GNG7: variants seen among roughly 807,000 people sequenced by gnomAD.
The protein encoded by GNG7 is G protein subunit gamma 7, also known as guanine nucleotide-binding protein G(I)/G(S)/G(O) subunit gamma-7.
GNG7 carries 1 observed loss-of-function variant against 4.0 expected under a neutral mutation model. The observed-to-expected ratio is 0.25, with a 90% CI of 0.09 to 1.18. The LOEUF is 1.18. GNG7 is among the 50% of genes most tolerant of loss of function. The probability of loss-of-function intolerance (pLI) is 0.50; values close to 1 mark genes in which losing one functional copy is unlikely to be tolerated. For synonymous variants in GNG7, 34 were observed against 36.9 expected, an observed-to-expected ratio of 0.92 and a Z score of 0.29; for missense variants, 86 against 91.9, an observed-to-expected ratio of 0.94 and a Z score of 0.26.
intron 1 of GNG7, among the ~76,000 whole-genome samples, chr19:2,686,252 C>T (rs183016636): frequency 1.7e-3 from 254 of 151,976 alleles, no homozygotes; most frequent in African/African-American, 5.7e-3. Flanking sequence ...CCGCCACCCG[C>T]GTTCAAGCGA....
intron 2 of GNG7, among the ~76,000 whole-genome samples, chr19:2,619,926 C>A (rs1163495674): frequency 6.6e-6 from 1 of 150,532 alleles, no homozygotes; most frequent in Non-Finnish European, 1.5e-5. Context: ...TCAGTTATAT[C>A]TCAATAAAGC....
At position 2,554,176 on chromosome 19, in the gene GNG7, T is replaced by C. The variant is rs183506658; in HGVS notation, c.-38+973A>G. Among the ~76,000 whole-genome samples, 345 of 146,440 alleles carry C rather than the reference T, an allele frequency of 2.4e-3. 1 individual carries two copies. The highest frequency in any genetic ancestry group is 8.2e-3 in the African/African-American group (326 of 39,836). On this transcript the variant is annotated intron_variant, in intron 3 of 4. Coordinates refer to ENST00000382159, the MANE Select transcript of GNG7 (RefSeq NM_052847.3). Reference sequence around the variant, plus strand: ...AATATATTATATATAATATATAATATATATATTTTTTTCTTTTCTTTAGAG... The same window carrying C: ...AATATATTATATATAATATATAATACATATATTTTTTTCTTTTCTTTAGAG...
chr19:2,696,997 C>T (rs926757450), intron 1 of GNG7, among the ~76,000 whole-genome samples: 2 of 143,414 alleles, frequency 1.4e-5, no homozygotes, highest in African/African-American at 3.0e-5. Flanking sequence ...GGATTACAGG[C>T]GCCCGGCTAA....
intron 2 of GNG7, chr19:2,630,740 C>T (rs1982139122): frequency 6.6e-6 from 1 of 151,428 alleles, no homozygotes; most frequent in South Asian, 2.1e-4. Context: ...CATAGTGTGG[C>T]TGGGTCCTCT....
rs1982246792 is a variant in GNG7 at position 2,634,238 on chromosome 19, C to T, written c.-78+11986G>A. Reference sequence around the variant, plus strand: ...AGTTTCTCCCCCTCAGCACTGTGGACATTTGAGGCCCGATTGTTCTCTGGG... The same window carrying T: ...AGTTTCTCCCCCTCAGCACTGTGGATATTTGAGGCCCGATTGTTCTCTGGG... On this transcript the variant is annotated intron_variant, in intron 2 of 4. Coordinates refer to ENST00000382159, the MANE Select transcript of GNG7 (RefSeq NM_052847.3). This position sits in a 1 kb window ranked among gnomAD's most constrained non-coding sequence, Gnocchi z 5.3. Among the ~76,000 whole-genome samples, 1 of 152,200 alleles carries T rather than the reference C, an allele frequency of 6.6e-6. No individual in the cohort carries two copies. The highest frequency in any genetic ancestry group is 2.1e-4 in the South Asian group (1 of 4,832).
intron 2 of GNG7, among the ~76,000 whole-genome samples, chr19:2,564,397 G>A (rs11880221): frequency 0.76 from 115,129 of 151,832 alleles, 44,060 homozygotes; most frequent in Admixed American, 0.81. Flanking sequence ...CCTGGCCAAC[G>A]TGGTGAAACC....
chr19:2,518,344 C>T (rs1416156090), intron 4 of GNG7, among the ~76,000 whole-genome samples: 4 of 152,208 alleles, frequency 2.6e-5, no homozygotes, highest in Non-Finnish European at 5.9e-5. Flanking sequence ...GGGGCTGGCA[C>T]CCACTCGTAA....
At chr19:2,573,242 C>T (rs1007462535) in intron 2 of GNG7, among the ~76,000 whole-genome samples, 3 of 151,206 alleles carry the variant, frequency 2.0e-5, no homozygotes, top group South Asian at 4.2e-4. Flanking sequence ...AGGCTGGTCT[C>T]GAACTCCCAA....
At position 2,539,355 on chromosome 19, in the gene GNG7, G is replaced by C. The variant is rs118131430; in HGVS notation, c.-38+15794C>G. ...TGTTTCCCTCTTGTCACCCAGGCTG[G>C]AGTACAAAGGCGTGATCTCGGCTCA... On this transcript the variant is annotated intron_variant, in intron 3 of 4. Coordinates refer to ENST00000382159, the MANE Select transcript of GNG7 (RefSeq NM_052847.3). Among the ~76,000 whole-genome samples the C allele has an allele frequency of 2.6e-3, 388 of 150,940 alleles. 1 individual carries two copies. The highest frequency in any genetic ancestry group is 3.9e-3 in the Non-Finnish European group (265 of 67,824).
intron 3 of GNG7, chr19:2,538,076 C>CACA (rs1555691776): frequency 2.3e-6 from 1 of 433,092 alleles, no homozygotes; most frequent in African/African-American, 2.1e-5. Context: ...GACTCTCTCT[C>CACA]AAACAAAACA....
At chr19:2,639,225 C>T (rs1329710016) in intron 2 of GNG7, among the ~76,000 whole-genome samples, 3 of 140,798 alleles carry the variant, frequency 2.1e-5, no homozygotes, top group Non-Finnish European at 4.5e-5. Context: ...CAGAGTGAGA[C>T]TCTGTCAAAA....
Position 2,515,104 on chromosome 19 carries a change from T to C in GNG7, c.125A>G (p.His42Arg), listed in dbSNP as rs1271442004. The part of the protein sequence containing the change: ...ASDLMSYCEQ[H>R]ARNDPLLVGV... ...GACCAGCAGGGGGTCGTTCCGGGCA[T>C]GTTGCTCACAGTAGCTCATGAGGTC... Residue 42 changes from histidine (H) to arginine (R), a missense_variant, in exon 5 of 5, where the codon CAT (histidine) becomes CGT (arginine). Coordinates refer to ENST00000382159, the MANE Select transcript of GNG7 (RefSeq NM_052847.3). 8 of 1,613,870 alleles carry C rather than the reference T, an allele frequency of 5.0e-6. No individual in the cohort carries two copies. Among genetic ancestry groups the C allele is most frequent in the Non-Finnish European group, 6.8e-6 (8 of 1,179,960 alleles).
rs533975948 is a variant in GNG7 at position 2,668,090 on chromosome 19, G to A, written c.-134-21810C>T. Among the ~76,000 whole-genome samples, 9 of 152,180 alleles carry A rather than the reference G, an allele frequency of 5.9e-5. No individual in the cohort carries two copies. In the South Asian group the frequency reaches 1.5e-3, roughly 25 times the overall value. On this transcript the variant is annotated intron_variant, in intron 1 of 4. Coordinates refer to ENST00000382159, the MANE Select transcript of GNG7 (RefSeq NM_052847.3). ...AAGATGTATCAATACTGGTTTATTC[G>A]CTGTGACAAACGCACCATGCCATTG...
chr19:2,522,608 C>T (rs555180323), intron 3 of GNG7, among the ~76,000 whole-genome samples: 165 of 151,386 alleles, frequency 1.1e-3, no homozygotes, highest in African/African-American at 3.9e-3. Flanking sequence ...CCCCGTCTCC[C>T]GGGCGTGGTG....
chr19:2,696,304 A>G (rs969558070), intron 1 of GNG7, among the ~76,000 whole-genome samples: 1 of 127,166 alleles, frequency 7.9e-6, no homozygotes, highest in Non-Finnish European at 1.7e-5. Flanking sequence ...GAAAGAAAGA[A>G]AGAAAGAAAG....
intron 1 of GNG7, among the ~76,000 whole-genome samples, chr19:2,648,101 A>G (rs187830972): frequency 1.3e-5 from 2 of 152,008 alleles, no homozygotes; most frequent in Non-Finnish European, 2.9e-5. Context: ...ACATTAGAAG[A>G]AAAAAACCGT....
intron 1 of GNG7, among the ~76,000 whole-genome samples, chr19:2,691,343 A>C (rs1167345536): frequency 1.3e-5 from 2 of 152,058 alleles, no homozygotes; most frequent in Non-Finnish European, 2.9e-5. Flanking sequence ...CAGGAGTTTG[A>C]GACCAACCTG....
At chr19:2,556,256 G>C (rs1979539796) in intron 2 of GNG7, among the ~76,000 whole-genome samples, 1 of 152,254 alleles carries the variant, frequency 6.6e-6, no homozygotes, top group Admixed American at 6.5e-5. Flanking sequence ...ACCACTGTCA[G>C]CTCTAGGGGA....
intron 3 of GNG7, among the ~76,000 whole-genome samples, chr19:2,549,003 G>A (rs1979226957): frequency 6.6e-6 from 1 of 152,078 alleles, no homozygotes; most frequent in African/African-American, 2.4e-5. Flanking sequence ...GGGTTTCCTG[G>A]GTCCCTGTTC....
Sources: gnomAD v4.1 joint callset for allele counts (sites outside exome capture counted in the v4.1 genomes callset) on GRCh38, gnomAD v4.1.1 for gene constraint, Gnocchi (gnomAD v3.1) non-coding constraint, MANE v1.5 for transcripts, NCBI Gene and HGNC (gene_info 2026-07-23, HGNC 2026-07-21) for gene names.